The following NOL4 variants were observed in gnomAD, a reference collection of about 807,000 sequenced individuals.
NOL4 encodes cancer/testis antigen 125.
In NOL4, 17 loss-of-function variants were observed where a neutral mutation model predicts 75.9. The observed-to-expected ratio is 0.22, with a 90% CI of 0.15 to 0.34. NOL4 has a LOEUF of 0.34. NOL4 is among the 10% of genes least tolerant of loss of function. The probability of loss-of-function intolerance (pLI) is 1.00; values close to 1 mark genes in which losing one functional copy is unlikely to be tolerated. For synonymous variants in NOL4, 292 were observed against 289.9 expected (o/e 1.01, Z -0.07); for missense variants, 614 against 793.5 (o/e 0.77, Z 2.72).
chr18:34,099,441 C>T (rs2078943865), intron 4 of NOL4, among the ~76,000 whole-genome samples: 1 of 150,682 alleles, frequency 6.6e-6, no homozygotes, highest in South Asian at 2.1e-4. Context: ...TGACCTGTCA[C>T]TTTCATGAAC....
chr18:33,871,473 G>A (rs2063697917), intron 10 of NOL4, among the ~76,000 whole-genome samples: 3 of 152,044 alleles, frequency 2.0e-5, no homozygotes, highest in Admixed American at 6.6e-5. Context: ...CTAAGTGGCA[G>A]AGGGCTGGTG....
intron 9 of NOL4, among the ~76,000 whole-genome samples, chr18:33,905,194 T>G (rs1424489844): frequency 1.3e-5 from 2 of 152,194 alleles, no homozygotes; most frequent in African/African-American, 2.4e-5. Context: ...TACTAACTTC[T>G]GTTCATGACT....
At position 34,148,437 on chromosome 18, in the gene NOL4, G is replaced by T. The variant is rs151016302; in HGVS notation, c.265-18417C>A. Among the ~76,000 whole-genome samples, 13 of 152,138 alleles carry T rather than the reference G, an allele frequency of 8.5e-5. No homozygotes were observed. In the East Asian group the frequency reaches 2.3e-3, roughly 27 times the overall value. ...TGTTTCTGTTCTCTTTGATTTCAAA[G>T]AACTTACTTATTTCTGCCTTAATTT... On this transcript the variant is annotated intron_variant, in intron 1 of 10. Coordinates refer to ENST00000261592, the MANE Select transcript of NOL4 (RefSeq NM_003787.5).
At chr18:34,203,902 G>A (rs551779505) in intron 1 of NOL4, among the ~76,000 whole-genome samples, 39 of 151,796 alleles carry the variant, frequency 2.6e-4, no homozygotes, top group Non-Finnish European at 5.2e-4. Flanking sequence ...TACATCATCC[G>A]TACCCTAACT....
intron 5 of NOL4, among the ~76,000 whole-genome samples, chr18:34,092,632 A>G (rs936769941): frequency 1.3e-5 from 2 of 152,200 alleles, no homozygotes; most frequent in Admixed American, 1.3e-4. Context: ...AAACTCTTCA[A>G]TCAAAAAGTT....
intron 5 of NOL4, among the ~76,000 whole-genome samples, chr18:34,021,195 C>T (rs1221669674): frequency 6.6e-6 from 1 of 152,044 alleles, no homozygotes; most frequent in Non-Finnish European, 1.5e-5. Context: ...TTAAGAGAGA[C>T]AGAAAAACAA....
At chr18:34,042,594 C>A (rs1568262966) in intron 5 of NOL4, among the ~76,000 whole-genome samples, 1 of 151,982 alleles carries the variant, frequency 6.6e-6, no homozygotes, top group Admixed American at 6.6e-5. Context: ...AGAAATGTGA[C>A]CAGTAATTGA....
chr18:34,075,784 G>A (rs1050307020), intron 5 of NOL4, among the ~76,000 whole-genome samples: 4 of 152,166 alleles, frequency 2.6e-5, no homozygotes, highest in Non-Finnish European at 5.9e-5. Flanking sequence ...GCTGGAAGAC[G>A]AGTACATTCA....
chr18:34,198,456 A>C (rs902777971), intron 1 of NOL4, among the ~76,000 whole-genome samples: 1 of 151,778 alleles, frequency 6.6e-6, no homozygotes, highest in Non-Finnish European at 1.5e-5. Flanking sequence ...TAGATGAATT[A>C]TTTTTCAGTG....
chr18:34,091,493 G>A (rs995919091), intron 5 of NOL4, among the ~76,000 whole-genome samples: 5 of 152,052 alleles, frequency 3.3e-5, no homozygotes, highest in East Asian at 1.9e-4. Flanking sequence ...ATGCACTATC[G>A]TGGGAGAACA....
intron 1 of NOL4, among the ~76,000 whole-genome samples, chr18:34,214,371 T>C (rs896573133): frequency 6.6e-6 from 1 of 152,144 alleles, no homozygotes; most frequent in African/African-American, 2.4e-5. Flanking sequence ...TAAAAGTGTA[T>C]ATACTGGGGG....
At chr18:34,134,489 C>CACAT (rs2080809291) in intron 1 of NOL4, among the ~76,000 whole-genome samples, 1 of 142,496 alleles carries the variant, frequency 7.0e-6, no homozygotes, top group African/African-American at 2.5e-5. Context: ...CACACACACA[C>CACAT]ACACACATTG....
chr18:34,048,859 G>C (rs1186171862), intron 5 of NOL4, among the ~76,000 whole-genome samples: 3 of 151,970 alleles, frequency 2.0e-5, no homozygotes, highest in Non-Finnish European at 1.5e-5. Flanking sequence ...TTTAATAAAA[G>C]TGCCATTTTC....
At chr18:33,898,460 C>T (rs1429044694) in intron 9 of NOL4, among the ~76,000 whole-genome samples, 1 of 152,054 alleles carries the variant, frequency 6.6e-6, no homozygotes, top group Non-Finnish European at 1.5e-5. Flanking sequence ...TTCCACATAG[C>T]CCTTGAAAAA....
intron 1 of NOL4, among the ~76,000 whole-genome samples, chr18:34,175,747 A>C (rs2033488102): frequency 6.6e-6 from 1 of 152,180 alleles, no homozygotes; most frequent in Non-Finnish European, 1.5e-5. Context: ...TATGCTGAGA[A>C]ATGACTTCAG....
At position 34,082,451 on chromosome 18, in the gene NOL4, A is replaced by G. The variant is rs146077573; in HGVS notation, c.772+11014T>C. 2.6e-5 allele frequency among the ~76,000 whole-genome samples: 4 copies of G among 152,328 alleles called. No homozygotes were observed. In the East Asian group the frequency reaches 7.7e-4, roughly 29 times the overall value. ...CCTCAAACAGCGCCTAGCGTTCAGT[A>G]AACAGTCAAGAAATTTTAGTTCTCG... On this transcript the variant is annotated intron_variant, in intron 5 of 10. Transcript: ENST00000261592.
intron 9 of NOL4, among the ~76,000 whole-genome samples, chr18:33,928,235 A>G (rs765665394): frequency 1.4e-4 from 22 of 152,172 alleles, no homozygotes; most frequent in Non-Finnish European, 2.9e-4. Context: ...TTTGGCACCA[A>G]AAGTGTATCA....
chr18:33,869,024 T>G (rs184815348), intron 10 of NOL4, among the ~76,000 whole-genome samples: 1 of 152,030 alleles, frequency 6.6e-6, no homozygotes, highest in East Asian at 1.9e-4. Context: ...GGTCCTCTTT[T>G]TGGCAATTTG....
intron 2 of NOL4, among the ~76,000 whole-genome samples, chr18:34,105,556 T>C (rs2079232677): frequency 6.6e-6 from 1 of 152,044 alleles, no homozygotes; most frequent in African/African-American, 2.4e-5. Context: ...TTTTTTGTAA[T>C]TTAGCCCCAA....
Sources: allele counts gnomAD v4.1 joint callset (sites outside exome capture counted in the v4.1 genomes callset), GRCh38; gene constraint gnomAD v4.1.1; transcripts MANE v1.5; gene names NCBI Gene and HGNC (gene_info 2026-07-23, HGNC 2026-07-21).